DEPDC4: variants seen among roughly 807,000 people sequenced by gnomAD.
DEPDC4 encodes the protein DEP domain-containing protein 4.
DEPDC4 carries 52 observed loss-of-function variants against 52.0 expected under a neutral mutation model. The ratio of observed to expected loss-of-function variants is 1.00; its 90% CI spans 0.80 to 1.26. The LOEUF is 1.26. Among genes scored for constraint, DEPDC4 ranks in the 50% most tolerant of loss-of-function variants. The pLI, the probability that DEPDC4 is intolerant of heterozygous loss-of-function variation, is 0.00. For missense variants in DEPDC4, 530 were observed against 546.9 expected, an observed-to-expected ratio of 0.97 and a Z score of 0.31; for synonymous variants, 201 against 196.8, an observed-to-expected ratio of 1.02 and a Z score of -0.18.
chr12:100,243,264 G>A (rs1340459579), intron 8 of DEPDC4, among the ~76,000 whole-genome samples: 4 of 151,942 alleles, frequency 2.6e-5, no homozygotes, highest in African/African-American at 7.3e-5. Flanking sequence ...AAAAAATACC[G>A]TCTAATCGGT....
chr12:100,256,203 A>G lies in DEPDC4; in HGVS notation c.724T>C (p.Leu242=), dbSNP rs139929183. ...KEDVWKEQTL[L]CLLQLIHLPF... ...AGGTGAATCAATTGAAGAAGACATA[A>G]TAATGTTTGTTCTTTCCAAACATCT... Residue 242 remains leucine, a synonymous_variant, in exon 4 of 10, where the codon TTA becomes CTA. Transcript: ENST00000550587. The G allele has an allele frequency of 4.3e-6, 7 of 1,612,240 alleles. No homozygotes were observed. Among genetic ancestry groups the G allele is most frequent in the African/African-American group, 1.3e-5 (1 of 74,878 alleles).
chr12:100,242,413 G>A (rs1053941176), intron 9 of DEPDC4, 73 bp downstream of exon 9: 34 of 146,156 alleles, frequency 2.3e-4, no homozygotes, highest in South Asian at 2.2e-4. Flanking sequence ...GAAAACTTAC[G>A]CTCCTATACT....
Position 100,240,464 on chromosome 12 carries a change from G to A in DEPDC4, c.*1428C>T, listed in dbSNP as rs1041292646. ...CTACAGGCATGGGCCACCAAGGTTG[G>A]CCCATAAGAATTTTTCTGTGTAAAA... is the stretch of plus-strand genomic sequence containing the variant. On this transcript the variant is annotated 3_prime_UTR_variant, in exon 10 of 10. Transcript: ENST00000550587. Among the ~76,000 whole-genome samples, 3 of 152,188 alleles carry A rather than the reference G, an allele frequency of 2.0e-5. No individual in the cohort carries two copies. The highest frequency in any genetic ancestry group is 7.2e-5 in the African/African-American group (3 of 41,454).
At chr12:100,272,057 A>G (rs1184348771), upstream of DEPDC4, among the ~76,000 whole-genome samples, 1 of 152,156 alleles carries the variant, frequency 6.6e-6, no homozygotes, top group Non-Finnish European at 1.5e-5. Context: ...TGCTGGTTCT[A>G]TTGAAAGCCA....
chr12:100,246,791 A>T (rs1340349022), intron 8 of DEPDC4, among the ~76,000 whole-genome samples: 2 of 152,120 alleles, frequency 1.3e-5, no homozygotes, highest in Non-Finnish European at 2.9e-5. Context: ...TATAAAAATT[A>T]GCTGGGCGTG....
In DEPDC4 at chr12:100,256,236, G is replaced by A. The variant is rs1310224835; in HGVS notation, c.701-10C>T. 3 of 1,589,908 alleles carry A rather than the reference G, an allele frequency of 1.9e-6. No homozygotes were observed. The highest frequency in any genetic ancestry group is 2.2e-5 in the East Asian group (1 of 44,538). On this transcript the variant is annotated splice_polypyrimidine_tract_variant and intron_variant, in intron 3 of 9. Coordinates refer to ENST00000550587, the MANE Select transcript of DEPDC4 (RefSeq NM_001364818.2). ...TGTTCTTTCCAAACATCTTGAAAAG[G>A]AAAGTAATGCAATGATCAAGATTGG...
intron 9 of DEPDC4, 51 bp downstream of exon 9, chr12:100,242,435 T>C (rs1172289800): frequency 1.3e-5 from 2 of 151,408 alleles, no homozygotes; most frequent in Non-Finnish European, 2.9e-5. Context: ...AACTCTCTAC[T>C]CGGAATCTAC....
chr12:100,237,064 C>T (rs1159408189), downstream of DEPDC4, among the ~76,000 whole-genome samples: 2 of 152,036 alleles, frequency 1.3e-5, no homozygotes, highest in Non-Finnish European at 2.9e-5. Flanking sequence ...ATACTAGTAC[C>T]ATGCTGTTTT....
intron 4 of DEPDC4, among the ~76,000 whole-genome samples, chr12:100,255,572 G>A (rs147493580): frequency 1.5e-3 from 227 of 152,290 alleles, no homozygotes; most frequent in Non-Finnish European, 2.8e-3. Context: ...AAATAGCTTG[G>A]CGTTGGGAGT....
chr12:100,267,227 C>T, upstream of DEPDC4: 2 of 800,722 alleles, frequency 2.5e-6, no homozygotes, highest in Non-Finnish European at 3.8e-6. Flanking sequence ...CCCCTCCCCA[C>T]CCCTTTCCTT....
At chr12:100,271,260 C>CAAAA (rs11354103), upstream of DEPDC4, among the ~76,000 whole-genome samples, 103 of 83,260 alleles carry the variant, frequency 1.2e-3, 6 homozygotes, top group African/African-American at 4.4e-3. Context: ...TGCAGAGCAG[C>CAAAA]AAAAAAAAAA....
In DEPDC4 at chr12:100,240,111, G is replaced by C. The variant is rs1438466179; in HGVS notation, c.*1781C>G. Among the ~76,000 whole-genome samples the C allele has an allele frequency of 6.6e-6, 1 of 152,116 alleles. No homozygotes were observed. The highest frequency in any genetic ancestry group is 1.5e-5 in the Non-Finnish European group (1 of 68,006). Reference sequence around the variant, plus strand: ...CAAGAATTTAATTAATTATGCTTCTGTTTCCCTGTGATCAACAATATAAAT... The same window carrying C: ...CAAGAATTTAATTAATTATGCTTCTCTTTCCCTGTGATCAACAATATAAAT... On this transcript the variant is annotated 3_prime_UTR_variant, in exon 10 of 10. Transcript: ENST00000550587.
At chr12:100,233,781 C>T (rs1163063356) in intron 9 of DEPDC4, among the ~76,000 whole-genome samples, 1 of 151,944 alleles carries the variant, frequency 6.6e-6, no homozygotes, top group African/African-American at 2.4e-5. Context: ...TAGAGTGTAC[C>T]GGAAGGAAAG....
At position 100,266,953 on chromosome 12, in the gene DEPDC4, G is replaced by C. The variant is rs1413730976; in HGVS notation, c.124C>G (p.Arg42Gly). ...PGLNGPSSRN[R>G]RDGFCRKRRT... ...CTTTTCCGGCAGAAGCCATCTCTACGGTTCCTGGAACTTGGCCCGTTCAGC... is the reference window on the plus strand; with the variant it reads ...CTTTTCCGGCAGAAGCCATCTCTACCGTTCCTGGAACTTGGCCCGTTCAGC... Residue 42 changes from arginine to glycine, a missense_variant, in exon 1 of 10, where the codon CGT (arginine) becomes GGT (glycine). Physicochemically the swap from Arg to Gly is moderately radical, Grantham distance 125. Coordinates refer to ENST00000550587, the MANE Select transcript of DEPDC4 (RefSeq NM_001364818.2). 3 of 1,613,626 alleles carry C rather than the reference G, an allele frequency of 1.9e-6. No homozygotes were observed. The highest frequency in any genetic ancestry group is 1.7e-5 in the Admixed American group (1 of 59,930).
chr12:100,273,832 C>T, the DEPDC4 span, among the ~76,000 whole-genome samples: 1 of 152,212 alleles, frequency 6.6e-6, no homozygotes, highest in Non-Finnish European at 1.5e-5. Flanking sequence ...AGGACTGAGT[C>T]TGCTATTGGA....
At position 100,263,814 on chromosome 12, in the gene DEPDC4, T is replaced by C. The variant is rs2096262581; in HGVS notation, c.237A>G (p.Arg79=). 7 of 1,614,174 alleles carry C rather than the reference T, an allele frequency of 4.3e-6. No homozygotes were observed. Among genetic ancestry groups the C allele is most frequent in the Non-Finnish European group, 5.9e-6 (7 of 1,180,002 alleles). ...HSLQAQVEIK[R]RRHHLQTYKD... ...TGTATGTCTGTAAATGATGCCTCCT[T>C]CTTTTTATTTCCACTTGGGCCTGAA... The change falls in exon 2 of 10, where the codon AGA becomes AGG. Residue 79 remains arginine, a synonymous_variant. Transcript: ENST00000550587.
chr12:100,278,405 G>A, the DEPDC4 span, among the ~76,000 whole-genome samples: 1 of 151,770 alleles, frequency 6.6e-6, no homozygotes, highest in Non-Finnish European at 1.5e-5. Flanking sequence ...TTACTGTGTT[G>A]CCTAGGCTCA....
upstream of DEPDC4, among the ~76,000 whole-genome samples, chr12:100,268,071 G>C (rs1178113409): frequency 3.3e-5 from 5 of 152,176 alleles, no homozygotes; most frequent in African/African-American, 1.2e-4. Context: ...CCTGTGATCC[G>C]TAATTAAGGA....
chr12:100,243,132 G>A (rs535820566), intron 8 of DEPDC4, among the ~76,000 whole-genome samples: 2 of 152,138 alleles, frequency 1.3e-5, no homozygotes, highest in East Asian at 1.9e-4. Context: ...CAATATATTA[G>A]AGTAAAAGTT....
Sources: gnomAD v4.1 joint callset for allele counts (sites outside exome capture counted in the v4.1 genomes callset) on GRCh38, gnomAD v4.1.1 for gene constraint, MANE v1.5 for transcripts, NCBI Gene and HGNC (gene_info 2026-07-23, HGNC 2026-07-21) for gene names.